Variants in CCSER1 observed in about 807,000 individuals in gnomAD.
CCSER1 encodes serine-rich coiled-coil domain-containing protein 1.
CCSER1 carries 41 observed loss-of-function variants against 82.0 expected under a neutral mutation model. The ratio of observed to expected loss-of-function variants is 0.50; its 90% CI spans 0.39 to 0.65. CCSER1 has a LOEUF of 0.65. Among genes scored for constraint, CCSER1 ranks in the 30% least tolerant of loss-of-function variants. The pLI, the probability that CCSER1 is intolerant of heterozygous loss-of-function variation, is 0.00. For missense variants in CCSER1, 1,119 were observed against 1,064.2 expected (o/e 1.05, Z -0.72); for synonymous variants, 414 against 383.9 (o/e 1.08, Z -0.92).
intron 10 of CCSER1, among the ~76,000 whole-genome samples, chr4:91,529,346 A>G (rs1000567627): frequency 3.3e-5 from 5 of 152,122 alleles, no homozygotes; most frequent in African/African-American, 9.6e-5. Flanking sequence ...TGTTTACTGC[A>G]AGACCCATGT....
intron 9 of CCSER1, among the ~76,000 whole-genome samples, chr4:90,949,318 A>G (rs538255718): frequency 3.3e-5 from 5 of 152,290 alleles, no homozygotes; most frequent in African/African-American, 1.2e-4. Flanking sequence ...TAAGAAGAAT[A>G]AAACCATAAT....
chr4:90,890,550 G>GA (rs1484647111), intron 8 of CCSER1, among the ~76,000 whole-genome samples: 1 of 152,112 alleles, frequency 6.6e-6, no homozygotes, highest in East Asian at 1.9e-4. Flanking sequence ...TGAAAAACAT[G>GA]GGCATGCCCA....
intron 8 of CCSER1, among the ~76,000 whole-genome samples, chr4:90,837,587 ATAG>A (rs896566040): frequency 3.9e-5 from 6 of 152,200 alleles, no homozygotes; most frequent in Admixed American, 1.3e-4. Flanking sequence ...CAAATAATAA[ATAG>A]TAGGAAAGTC....
intron 5 of CCSER1, among the ~76,000 whole-genome samples, chr4:90,555,593 T>A (rs901389349): frequency 6.6e-6 from 1 of 152,046 alleles, no homozygotes; most frequent in Non-Finnish European, 1.5e-5. Flanking sequence ...TCAGAATGAT[T>A]TGAATATGAG....
At chr4:91,136,834 G>C (rs1048223945) in intron 10 of CCSER1, among the ~76,000 whole-genome samples, 1 of 151,900 alleles carries the variant, frequency 6.6e-6, no homozygotes, top group Non-Finnish European at 1.5e-5. Context: ...TACAATATGA[G>C]AAAAACTGAG....
Position 91,479,586 on chromosome 4 carries a change from A to AT in CCSER1, c.2218-118980dup, listed in dbSNP as rs1332040063. Among the ~76,000 whole-genome samples the AT allele has an allele frequency of 1.1e-4, 17 of 151,812 alleles. No individual in the cohort carries two copies. The South Asian group carries it at 3.5e-3, about 31-fold the overall frequency. ...CTGAAATACTATTGGTTGAGTCTCA[A>AT]TTTTTTAGTGACAATAATGCTGTTC... On this transcript the variant is annotated intron_variant, in intron 10 of 10. Transcript: ENST00000509176.
At chr4:91,238,746 T>C (rs1544016) in intron 10 of CCSER1, among the ~76,000 whole-genome samples, 80,383 of 151,948 alleles carry the variant, frequency 0.53, 22,234 homozygotes, top group East Asian at 0.86. Flanking sequence ...AAGCTGGTGA[T>C]CTATAGTTAG....
intron 10 of CCSER1, among the ~76,000 whole-genome samples, chr4:91,215,946 C>T (rs1374352081): frequency 6.6e-6 from 1 of 152,172 alleles, no homozygotes; most frequent in African/African-American, 2.4e-5. Context: ...ATTTTCCCAC[C>T]ACCAAAATTT....
chr4:90,231,192 T>C (rs939687835), intron 1 of CCSER1, among the ~76,000 whole-genome samples: 2 of 151,918 alleles, frequency 1.3e-5, no homozygotes, highest in African/African-American at 4.8e-5. Context: ...TAGACCAATA[T>C]CCTTGATGAA....
At chr4:91,202,748 C>T (rs1003651764) in intron 10 of CCSER1, among the ~76,000 whole-genome samples, 3 of 22,100 alleles carry the variant, frequency 1.4e-4, no homozygotes, top group South Asian at 3.4e-3. Context: ...CATATATGCA[C>T]GTACACATAT....
chr4:90,177,864 A>G (rs1248357400), intron 1 of CCSER1, among the ~76,000 whole-genome samples: 1 of 152,090 alleles, frequency 6.6e-6, no homozygotes, highest in Non-Finnish European at 1.5e-5. Context: ...TTACATGTTC[A>G]GAGTAAGCCT....
At chr4:90,918,716 G>A (rs1042136737) in intron 8 of CCSER1, among the ~76,000 whole-genome samples, 2 of 150,856 alleles carry the variant, frequency 1.3e-5, no homozygotes, top group Non-Finnish European at 3.0e-5. Context: ...ATATAGACAA[G>A]ATATGTCATG....
In CCSER1 at chr4:91,267,202, T is replaced by G. The variant is rs189623501; in HGVS notation, c.2217+181208T>G. 1.7e-3 allele frequency among the ~76,000 whole-genome samples: 260 copies of G among 152,290 alleles called. 2 individuals carry two copies. The highest frequency in any genetic ancestry group is 5.8e-3 in the African/African-American group (242 of 41,540). On this transcript the variant is annotated intron_variant, in intron 10 of 10. Coordinates refer to ENST00000509176, the MANE Select transcript of CCSER1 (RefSeq NM_001145065.2). ...AGCAAATCTTGAATTCTGCCATTTT[T>G]GGGGAATTATTGATGGATATTTCTA...
intron 10 of CCSER1, among the ~76,000 whole-genome samples, chr4:91,288,086 A>G (rs993016914): frequency 1.4e-4 from 21 of 147,734 alleles, no homozygotes; most frequent in African/African-American, 4.2e-4. Context: ...ACACTCATAT[A>G]TATATAGGAT....
At chr4:90,514,844 T>A (rs1212011591) in intron 5 of CCSER1, among the ~76,000 whole-genome samples, 1 of 152,158 alleles carries the variant, frequency 6.6e-6, no homozygotes, top group South Asian at 2.1e-4. Flanking sequence ...ATAGTTAATC[T>A]CTATATTACA....
chr4:90,150,879 A>G (rs1726712232), intron 1 of CCSER1, among the ~76,000 whole-genome samples: 1 of 152,190 alleles, frequency 6.6e-6, no homozygotes, highest in African/African-American at 2.4e-5. Context: ...AATGTATCCA[A>G]TGTATCTCAT....
chr4:91,577,492 T>C (rs1261551866), intron 10 of CCSER1, among the ~76,000 whole-genome samples: 2 of 152,060 alleles, frequency 1.3e-5, no homozygotes, highest in Non-Finnish European at 2.9e-5. Flanking sequence ...TTCACAATTC[T>C]TTCTAGCATA....
chr4:91,166,686 G>A (rs955663896), intron 10 of CCSER1, among the ~76,000 whole-genome samples: 5 of 151,850 alleles, frequency 3.3e-5, no homozygotes, highest in African/African-American at 1.2e-4. Context: ...GTAGTATAAA[G>A]TTAGATGAGA....
intron 5 of CCSER1, among the ~76,000 whole-genome samples, chr4:90,547,670 A>T (rs551293631): frequency 6.6e-6 from 1 of 152,144 alleles, no homozygotes; most frequent in African/African-American, 2.4e-5. Context: ...TAAGGAAAAT[A>T]TCCTAGTTCT....
Sources: allele counts gnomAD v4.1 joint callset (sites outside exome capture counted in the v4.1 genomes callset), GRCh38; gene constraint gnomAD v4.1.1; transcripts MANE v1.5; gene names NCBI Gene and HGNC (gene_info 2026-07-23, HGNC 2026-07-21).